Variants in STARD13 observed in about 807,000 individuals in gnomAD.
The protein encoded by STARD13 is stAR-related lipid transfer protein 13.
STARD13 carries 62 observed loss-of-function variants against 106.4 expected under a neutral mutation model. The ratio of observed to expected loss-of-function variants is 0.58; its 90% CI spans 0.48 to 0.72. STARD13 has a LOEUF of 0.72. Among genes scored for constraint, STARD13 ranks in the 30% least tolerant of loss-of-function variants. The pLI, the probability that STARD13 is intolerant of heterozygous loss-of-function variation, is 0.00. For synonymous variants in STARD13, 565 were observed against 553.0 expected (o/e 1.02, Z -0.31); for missense variants, 1,387 against 1,424.0 (o/e 0.97, Z 0.42).
Position 33,112,850 on chromosome 13 carries a change from G to T in STARD13, c.2363C>A (p.Thr788Lys), listed in dbSNP as rs758687884. ...LADENREVLQ[T>K]LLCFLNDVVN... The stretch of plus-strand genomic sequence containing the variant: ...GACGTCGTTCAGGAAACACAAGAGC[G>T]TCTGCAGGACCTCCCTGTTCTCATC... Residue 788 changes from threonine (T) to lysine (K), a missense_variant, in exon 9 of 14, where the codon ACG becomes AAG. Transcript: ENST00000336934. 3.1e-6 allele frequency: 5 copies of T among 1,613,872 alleles called. No homozygotes were observed. Among genetic ancestry groups the T allele is most frequent in the Non-Finnish European group, 4.2e-6 (5 of 1,179,942 alleles).
intron 1 of STARD13, among the ~76,000 whole-genome samples, chr13:33,312,315 A>G (rs983317464): frequency 3.3e-5 from 5 of 152,210 alleles, no homozygotes; most frequent in Non-Finnish European, 7.3e-5. Flanking sequence ...CTGAATGGCA[A>G]TCCTGGGTTC....
the STARD13 span, among the ~76,000 whole-genome samples, chr13:33,390,044 C>A: frequency 1.3e-5 from 2 of 152,056 alleles, no homozygotes; most frequent in Non-Finnish European, 2.9e-5. Flanking sequence ...CCATTTTCAG[C>A]AGCAAAATTT....
chr13:33,581,636 A>C, the STARD13 span, among the ~76,000 whole-genome samples: 53 of 152,328 alleles, frequency 3.5e-4, no homozygotes, highest in Non-Finnish European at 5.6e-4. Context: ...CAGGTAACTT[A>C]TTTATGTTCC....
the STARD13 span, among the ~76,000 whole-genome samples, chr13:33,569,865 A>C: frequency 1.4e-5 from 2 of 147,642 alleles, no homozygotes; most frequent in African/African-American, 5.0e-5. Flanking sequence ...TTAAAAATTT[A>C]CTAACCAGCA....
At chr13:33,109,707 G>A (rs905862467) in intron 12 of STARD13, among the ~76,000 whole-genome samples, 166 bp downstream of exon 12, 4 of 152,220 alleles carry the variant, frequency 2.6e-5, no homozygotes, top group African/African-American at 9.7e-5. Context: ...ACAGGAAGTC[G>A]GGCATCGACA....
At chr13:33,193,156 A>T (rs1396768604) in intron 1 of STARD13, among the ~76,000 whole-genome samples, 2 of 152,238 alleles carry the variant, frequency 1.3e-5, no homozygotes, top group Non-Finnish European at 2.9e-5. Context: ...AATTCCTCAC[A>T]TAATTTCTTC....
chr13:33,481,280 T>C, the STARD13 span, among the ~76,000 whole-genome samples: 4 of 152,276 alleles, frequency 2.6e-5, no homozygotes, highest in African/African-American at 9.6e-5. Flanking sequence ...ACTAATTCTG[T>C]ATATTACCAT....
chr13:33,436,678 C>T, the STARD13 span, among the ~76,000 whole-genome samples: 17 of 152,198 alleles, frequency 1.1e-4, no homozygotes, highest in African/African-American at 4.1e-4. Context: ...AGGCTGAGAT[C>T]TTTTGGTCCC....
the STARD13 span, among the ~76,000 whole-genome samples, chr13:33,668,682 C>T: frequency 2.6e-4 from 40 of 152,240 alleles, 1 homozygote; most frequent in African/African-American, 5.1e-4. Flanking sequence ...TGATGCTCAC[C>T]GCTAGTTCTT....
At position 33,246,344 on chromosome 13, in the gene STARD13, A is replaced by G. The variant is rs1033959185; in HGVS notation, c.169+39126T>C. On this transcript the variant is annotated intron_variant, in intron 1 of 13. Coordinates refer to ENST00000336934, the MANE Select transcript of STARD13 (RefSeq NM_178006.4). The stretch of plus-strand genomic sequence containing the variant: ...AACGTTACCTATTCATTCACTTTCT[A>G]TGCACCTAATGTACCCCAGACAGGC... Among the ~76,000 whole-genome samples, 3 of 152,174 alleles carry G rather than the reference A, an allele frequency of 2.0e-5. No homozygotes were observed. The East Asian group carries it at 5.8e-4, about 29-fold the overall frequency.
chr13:33,479,843 A>T, the STARD13 span, among the ~76,000 whole-genome samples: 3 of 152,110 alleles, frequency 2.0e-5, no homozygotes, highest in Non-Finnish European at 4.4e-5. Flanking sequence ...TGCACTCGCT[A>T]TGTGAGATGC....
At chr13:33,441,671 T>TA in the STARD13 span, among the ~76,000 whole-genome samples, 9 of 152,236 alleles carry the variant, frequency 5.9e-5, no homozygotes, top group Non-Finnish European at 1.0e-4. Context: ...AAGTATCAGG[T>TA]ACACAGTATT....
intron 1 of STARD13, among the ~76,000 whole-genome samples, chr13:33,188,743 T>G (rs1223436895): frequency 6.6e-6 from 1 of 152,216 alleles, no homozygotes; most frequent in African/African-American, 2.4e-5. Flanking sequence ...CAGTTTGGAG[T>G]GATCTAGACT....
intron 4 of STARD13, among the ~76,000 whole-genome samples, chr13:33,137,984 C>T (rs544477459): frequency 2.3e-4 from 35 of 152,320 alleles, no homozygotes; most frequent in African/African-American, 6.3e-4. Context: ...GAAATGCCGA[C>T]GGCATCCAGG....
chr13:33,516,171 A>G, the STARD13 span, among the ~76,000 whole-genome samples: 2 of 147,900 alleles, frequency 1.4e-5, no homozygotes, highest in Non-Finnish European at 3.0e-5. Context: ...TAATGTATAT[A>G]TAATTCATAT....
the STARD13 span, among the ~76,000 whole-genome samples, chr13:33,607,117 C>A: frequency 6.7e-6 from 1 of 149,480 alleles, no homozygotes. Flanking sequence ...TTTTTGCCTA[C>A]CGCAACTGAT....
the STARD13 span, among the ~76,000 whole-genome samples, chr13:33,372,781 G>A: frequency 6.6e-6 from 1 of 151,500 alleles, no homozygotes; most frequent in Non-Finnish European, 1.5e-5. Context: ...GGATTGTTAT[G>A]GCTATTATTA....
At chr13:33,658,622 G>A in the STARD13 span, among the ~76,000 whole-genome samples, 1 of 152,208 alleles carries the variant, frequency 6.6e-6, no homozygotes, top group African/African-American at 2.4e-5. Flanking sequence ...ACCAGCTGAA[G>A]ATACCAGAGA....
chr13:33,306,534 CCAGA>C (rs1824435714), intron 1 of STARD13, among the ~76,000 whole-genome samples: 1 of 152,098 alleles, frequency 6.6e-6, no homozygotes, highest in Non-Finnish European at 1.5e-5. Flanking sequence ...ATCAAAGTGA[CCAGA>C]CAAACTACAG....
Sources: gnomAD v4.1 joint callset for allele counts (sites outside exome capture counted in the v4.1 genomes callset) on GRCh38, gnomAD v4.1.1 for gene constraint, MANE v1.5 for transcripts, NCBI Gene and HGNC (gene_info 2026-07-23, HGNC 2026-07-21) for gene names.